Variants in PCDH9 observed in about 807,000 individuals in gnomAD.
PCDH9 encodes the protein protocadherin 9, also known as protocadherin-9.
A neutral mutation model predicts 70.6 loss-of-function variants in PCDH9; 24 were observed. The observed-to-expected ratio is 0.34, with a 90% CI of 0.25 to 0.48. PCDH9 has a LOEUF of 0.48. Ranked by LOEUF, PCDH9 falls within the 20% of genes least tolerant of loss-of-function variation. The pLI is 0.99. For missense variants in PCDH9, 1,281 were observed against 1,503.6 expected (o/e 0.85, Z 2.45); for synonymous variants, 562 against 558.5 (o/e 1.01, Z -0.09).
chr13:66,448,295 G>C (rs1958137451), intron 4 of PCDH9, among the ~76,000 whole-genome samples: 1 of 152,192 alleles, frequency 6.6e-6, no homozygotes, highest in African/African-American at 2.4e-5. Flanking sequence ...CATCCCCAGA[G>C]AAATAGCTGT....
Position 67,094,139 on chromosome 13 carries a change from T to C in PCDH9, c.3036+131266A>G, listed in dbSNP as rs76785282. On this transcript the variant is annotated intron_variant, in intron 2 of 4. Transcript: ENST00000377865. ...ATACCCCCAAACAAGGAGTCAGAGC[T>C]TCTGGATATTTAGGGGCAAAATAGA... Among the ~76,000 whole-genome samples, 416 of 152,286 alleles carry C rather than the reference T, an allele frequency of 2.7e-3. 5 individuals are homozygous for C. The highest frequency in any genetic ancestry group is 9.6e-3 in the African/African-American group (401 of 41,562).
chr13:66,533,602 G>A (rs1248836505), intron 4 of PCDH9, among the ~76,000 whole-genome samples: 1 of 151,992 alleles, frequency 6.6e-6, no homozygotes, highest in East Asian at 1.9e-4. Flanking sequence ...TCAACCTAAT[G>A]ATTGAAGTCT....
chr13:66,514,183 C>A (rs568110291), intron 4 of PCDH9, among the ~76,000 whole-genome samples: 1 of 152,204 alleles, frequency 6.6e-6, no homozygotes, highest in Admixed American at 6.5e-5. Flanking sequence ...ATTAGGCATA[C>A]ACAGTACTGT....
At chr13:67,057,408 G>A (rs769002627) in intron 2 of PCDH9, among the ~76,000 whole-genome samples, 1 of 152,024 alleles carries the variant, frequency 6.6e-6, no homozygotes, top group Non-Finnish European at 1.5e-5. Flanking sequence ...TGGTTACTTA[G>A]TGAGTGGAAG....
At chr13:66,671,348 C>T (rs185032364) in intron 3 of PCDH9, among the ~76,000 whole-genome samples, 105 of 152,144 alleles carry the variant, frequency 6.9e-4, no homozygotes, top group African/African-American at 2.2e-3. Flanking sequence ...AATGTGGAAG[C>T]GACACTGGAA....
chr13:66,387,417 C>T (rs928198631), intron 4 of PCDH9, among the ~76,000 whole-genome samples: 1 of 151,954 alleles, frequency 6.6e-6, no homozygotes, highest in Non-Finnish European at 1.5e-5. Context: ...ACTTGGTCCC[C>T]ATTGTTGGAG....
At chr13:66,908,280 T>G (rs1276683573) in intron 2 of PCDH9, among the ~76,000 whole-genome samples, 1 of 152,240 alleles carries the variant, frequency 6.6e-6, no homozygotes, top group African/African-American at 2.4e-5. Context: ...GTTTCATTTA[T>G]GTACTGGCCT....
At chr13:66,961,685 T>C (rs981864740) in intron 2 of PCDH9, among the ~76,000 whole-genome samples, 3 of 152,156 alleles carry the variant, frequency 2.0e-5, no homozygotes, top group Non-Finnish European at 4.4e-5. Context: ...GCCAAAAATA[T>C]CAATTTTTTG....
chr13:66,494,397 GACAA>G (rs1189665346), intron 4 of PCDH9, among the ~76,000 whole-genome samples: 1 of 152,142 alleles, frequency 6.6e-6, no homozygotes, highest in African/African-American at 2.4e-5. Flanking sequence ...CACCAAGCCT[GACAA>G]ACAATGAAAT....
At chr13:66,868,541 A>G (rs2081614976) in intron 3 of PCDH9, among the ~76,000 whole-genome samples, 1 of 152,100 alleles carries the variant, frequency 6.6e-6, no homozygotes, top group South Asian at 2.1e-4. Flanking sequence ...AACTGAGAAA[A>G]AAAATGTGTT....
In PCDH9 at chr13:66,918,158, A is replaced by G. The variant is rs1050041441; in HGVS notation, c.3037-14553T>C. The stretch of plus-strand genomic sequence containing the variant: ...CTGTAGCCATGTACAAGTTGCGAAG[A>G]TACAGTCTAAAGTAAACAGATGTTT... On this transcript the variant is annotated intron_variant, in intron 2 of 4. Transcript: ENST00000377865. 5.3e-5 allele frequency among the ~76,000 whole-genome samples: 8 copies of G among 151,450 alleles called. No homozygotes were observed. The Admixed American group carries it at 5.3e-4, about 10-fold the overall frequency.
chr13:66,682,354 ATC>A (rs1566502824), intron 3 of PCDH9, among the ~76,000 whole-genome samples: 5 of 646 alleles, frequency 7.7e-3, no homozygotes, highest in Non-Finnish European at 0.011. Context: ...TGTATTTATT[ATC>A]TATCTATCTA....
intron 2 of PCDH9, among the ~76,000 whole-genome samples, chr13:67,161,289 C>T (rs1004682205): frequency 1.8e-4 from 28 of 152,282 alleles, no homozygotes; most frequent in African/African-American, 6.0e-4. Context: ...GAAATACCTC[C>T]GTGAGGACTG....
chr13:66,740,048 C>A (rs1403714366), intron 3 of PCDH9, among the ~76,000 whole-genome samples: 1 of 150,390 alleles, frequency 6.6e-6, no homozygotes, highest in Non-Finnish European at 1.5e-5. Context: ...ATTTTTTCAG[C>A]ACCACACCAC....
chr13:66,705,937 C>T (rs1232334907), intron 3 of PCDH9, among the ~76,000 whole-genome samples: 1 of 152,138 alleles, frequency 6.6e-6, no homozygotes, highest in Non-Finnish European at 1.5e-5. Flanking sequence ...CTGTAAGCAT[C>T]TGATTTTAGA....
chr13:67,101,542 T>C (rs1266466279), intron 2 of PCDH9, among the ~76,000 whole-genome samples: 2 of 152,232 alleles, frequency 1.3e-5, no homozygotes, highest in Non-Finnish European at 2.9e-5. Context: ...TGTATCTTTG[T>C]ATACATACGT....
chr13:66,706,432 C>T (rs2078712336), intron 3 of PCDH9, among the ~76,000 whole-genome samples: 2 of 152,184 alleles, frequency 1.3e-5, no homozygotes, highest in South Asian at 4.1e-4. Context: ...AGTAAAAGTA[C>T]ACTTAGAAGG....
intron 2 of PCDH9, among the ~76,000 whole-genome samples, chr13:66,972,943 T>C (rs2083550665): frequency 6.6e-6 from 1 of 152,040 alleles, no homozygotes; most frequent in Non-Finnish European, 1.5e-5. Context: ...TATGGGCAAA[T>C]ATAAATTCAT....
rs181741939 is a variant in PCDH9, at chr13:67,030,880, T to C, written c.3037-127275A>G. On this transcript the variant is annotated intron_variant, in intron 2 of 4. Coordinates refer to ENST00000377865, the MANE Select transcript of PCDH9 (RefSeq NM_203487.3). Reference sequence around the variant, plus strand: ...AAAGCACCCAAACTCCTAAAGTCAGTTTGTTTATTTAGTATTTTTAACTAT... The same window carrying C: ...AAAGCACCCAAACTCCTAAAGTCAGCTTGTTTATTTAGTATTTTTAACTAT... Among the ~76,000 whole-genome samples, 9 of 152,246 alleles carry C rather than the reference T, an allele frequency of 5.9e-5. No individual in the cohort carries two copies. The East Asian group carries it at 1.7e-3, about 29-fold the overall frequency.
Sources: gnomAD v4.1 joint callset for allele counts (sites outside exome capture counted in the v4.1 genomes callset) on GRCh38, gnomAD v4.1.1 for gene constraint, MANE v1.5 for transcripts, NCBI Gene and HGNC (gene_info 2026-07-23, HGNC 2026-07-21) for gene names.